Variants in TSHZ2 observed in about 807,000 individuals in gnomAD.
TSHZ2 encodes teashirt zinc finger homeobox 2.
In TSHZ2, 21 loss-of-function variants were observed where a neutral mutation model predicts 74.4. The observed-to-expected ratio is 0.28, with a 90% confidence interval of 0.20 to 0.41. TSHZ2 has a LOEUF of 0.41. Among genes scored for constraint, TSHZ2 ranks in the 10% least tolerant of loss-of-function variants. The pLI, the probability that TSHZ2 is intolerant of heterozygous loss-of-function variation, is 1.00. For synonymous variants in TSHZ2, 540 were observed against 515.3 expected (o/e 1.05, Z -0.65); for missense variants, 1,244 against 1,293.5 (o/e 0.96, Z 0.59).
chr20:53,221,766 A>C (rs1218663999), intron 1 of TSHZ2, among the ~76,000 whole-genome samples: 2 of 152,252 alleles, frequency 1.3e-5, no homozygotes, highest in Non-Finnish European at 2.9e-5. Flanking sequence ...TTTCTAAAGC[A>C]ATATTCATGC....
At chr20:53,398,647 G>A (rs1285009675) in intron 2 of TSHZ2, 2 of 152,220 alleles carry the variant, frequency 1.3e-5, no homozygotes, top group South Asian at 2.1e-4. Context: ...CAGCTACTCA[G>A]GAGGCTGAGG....
chr20:53,199,319 A>C (rs1480233522), intron 1 of TSHZ2, among the ~76,000 whole-genome samples: 1 of 152,094 alleles, frequency 6.6e-6, no homozygotes, highest in Non-Finnish European at 1.5e-5. Context: ...CTGAAAACAC[A>C]GAAAATCAGC....
At chr20:53,212,259 A>G (rs1989328634) in intron 1 of TSHZ2, among the ~76,000 whole-genome samples, 4 of 152,220 alleles carry the variant, frequency 2.6e-5, no homozygotes, top group Admixed American at 2.6e-4. Flanking sequence ...AGCAATGACA[A>G]CATACTTGCG....
chr20:53,442,607 C>G (rs1191311500), intron 2 of TSHZ2, among the ~76,000 whole-genome samples: 1 of 152,144 alleles, frequency 6.6e-6, no homozygotes, highest in Admixed American at 6.5e-5. Flanking sequence ...CCCCATCACT[C>G]TGAGAGATCG....
At chr20:53,209,024 A>G (rs1989238645) in intron 1 of TSHZ2, among the ~76,000 whole-genome samples, 1 of 152,216 alleles carries the variant, frequency 6.6e-6, no homozygotes, top group Non-Finnish European at 1.5e-5. Context: ...ACTTGGCATA[A>G]AATCAGCTTC....
chr20:53,378,174 T>C (rs1981729329), intron 2 of TSHZ2, among the ~76,000 whole-genome samples: 1 of 151,976 alleles, frequency 6.6e-6, no homozygotes, highest in African/African-American at 2.4e-5. Flanking sequence ...ACCCCATCTC[T>C]AATAAAAATA....
At chr20:53,408,349 G>A (rs1425897706) in intron 2 of TSHZ2, among the ~76,000 whole-genome samples, 1 of 152,188 alleles carries the variant, frequency 6.6e-6, no homozygotes, top group African/African-American at 2.4e-5. Flanking sequence ...AGGAACATAT[G>A]AAAGACACAG....
intron 2 of TSHZ2, among the ~76,000 whole-genome samples, chr20:53,348,470 C>A (rs1980524004): frequency 6.6e-6 from 1 of 151,440 alleles, no homozygotes; most frequent in African/African-American, 2.4e-5. Context: ...AGTCAAGAAC[C>A]ATGGATAACT....
At chr20:53,305,652 C>G (rs1978505742) in intron 2 of TSHZ2, among the ~76,000 whole-genome samples, 1 of 152,104 alleles carries the variant, frequency 6.6e-6, no homozygotes, top group Admixed American at 6.6e-5. Flanking sequence ...CAGTGTCTGG[C>G]TCTTTCTGGG....
At chr20:53,172,018 C>T (rs902387177) in intron 1 of TSHZ2, among the ~76,000 whole-genome samples, 1 of 152,088 alleles carries the variant, frequency 6.6e-6, no homozygotes, top group African/African-American at 2.4e-5. Context: ...ATCATTGTAA[C>T]TTACGAGGAA....
At chr20:53,327,684 A>G (rs541559053) in intron 2 of TSHZ2, among the ~76,000 whole-genome samples, 3 of 152,222 alleles carry the variant, frequency 2.0e-5, no homozygotes, top group Non-Finnish European at 4.4e-5. Context: ...GGGCTGGGAA[A>G]TCATCAGTGA....
chr20:53,257,292 A>C (rs1990503024), intron 2 of TSHZ2, among the ~76,000 whole-genome samples: 1 of 152,210 alleles, frequency 6.6e-6, no homozygotes, highest in Non-Finnish European at 1.5e-5. Context: ...TTGTGGATAG[A>C]CCAGTATTAG....
chr20:53,482,776 C>T (rs1986189497), intron 2 of TSHZ2, among the ~76,000 whole-genome samples: 1 of 151,906 alleles, frequency 6.6e-6, no homozygotes, highest in Non-Finnish European at 1.5e-5. Flanking sequence ...TGTGCTGGTG[C>T]ACACCTGTGG....
At chr20:53,044,331 G>A (rs1049828432) in intron 1 of TSHZ2, among the ~76,000 whole-genome samples, 6 of 152,306 alleles carry the variant, frequency 3.9e-5, no homozygotes, top group Non-Finnish European at 8.8e-5. Context: ...GTCATATTCC[G>A]CTCTGTAGCG....
chr20:53,463,838 A>G (rs2067620728), intron 2 of TSHZ2, among the ~76,000 whole-genome samples: 2 of 152,224 alleles, frequency 1.3e-5, no homozygotes, highest in East Asian at 3.9e-4. Flanking sequence ...GAACTTGGTC[A>G]AGTTGCTTAA....
At chr20:53,261,662 A>G (rs1157100440) in intron 2 of TSHZ2, among the ~76,000 whole-genome samples, 1 of 152,156 alleles carries the variant, frequency 6.6e-6, no homozygotes, top group Admixed American at 6.5e-5. Context: ...TGAATGCTCA[A>G]TCCTGACGTG....
intron 1 of TSHZ2, among the ~76,000 whole-genome samples, chr20:53,128,863 A>G (rs1239961333): frequency 6.6e-6 from 1 of 152,062 alleles, no homozygotes; most frequent in Admixed American, 6.6e-5. Context: ...CTCGGGATCC[A>G]ATCCCCTCGG....
chr20:53,048,265 A>C (rs990688365), intron 1 of TSHZ2, among the ~76,000 whole-genome samples: 1 of 152,142 alleles, frequency 6.6e-6, no homozygotes, highest in Non-Finnish European at 1.5e-5. Context: ...TGTTTTCATA[A>C]GTTACAAATT....
At chr20:52,999,608 G>A (rs1982336446) in intron 1 of TSHZ2, among the ~76,000 whole-genome samples, 1 of 152,102 alleles carries the variant, frequency 6.6e-6, no homozygotes, top group Non-Finnish European at 1.5e-5. Flanking sequence ...CAAACGGCCA[G>A]TCTAGAGATT....
Sources: gnomAD v4.1 joint callset for allele counts (sites outside exome capture counted in the v4.1 genomes callset) on GRCh38, gnomAD v4.1.1 for gene constraint, MANE v1.5 for transcripts, NCBI Gene and HGNC (gene_info 2026-07-23, HGNC 2026-07-21) for gene names.